The following TSTD2 variants were observed in gnomAD, a reference collection of about 807,000 sequenced individuals.
TSTD2 encodes thiosulfate sulfurtransferase like domain containing 2.
In TSTD2, 37 loss-of-function variants were observed where a neutral mutation model predicts 47.9. The ratio of observed to expected loss-of-function variants is 0.77; its 90% confidence interval spans 0.59 to 1.02. The LOEUF is 1.02. TSTD2 is among the 50% of genes least tolerant of loss of function. The pLI is 0.00. For missense variants in TSTD2, 586 were observed against 616.0 expected (o/e 0.95, Z 0.52); for synonymous variants, 201 against 215.9 (o/e 0.93, Z 0.61).
In TSTD2 at chr9:97,605,522, G is replaced by GC. The variant is rs774642486; in HGVS notation, c.1073dup (p.Ile359HisfsTer4). 6.8e-6 allele frequency: 11 copies of GC among 1,613,946 alleles called. No homozygotes were observed. Among genetic ancestry groups the GC allele is most frequent in the Non-Finnish European group, 9.3e-6 (11 of 1,179,988 alleles). The stretch of plus-strand genomic sequence containing the variant: ...AGGCTGAACCCCGCTCACAGCGGAT[G>GC]CCCCCGGTACAGTACATCAGCACTC... On this transcript the variant is annotated frameshift_variant, in exon 8 of 10. Coordinates refer to ENST00000341170, the MANE Select transcript of TSTD2 (RefSeq NM_139246.5). LOFTEE classifies it high-confidence loss of function.
intron 3 of TSTD2, among the ~76,000 whole-genome samples, chr9:97,622,046 T>G (rs1826647300): frequency 6.6e-6 from 1 of 152,092 alleles, no homozygotes; most frequent in South Asian, 2.1e-4. Context: ...CTCTTTCTCT[T>G]TATTTCTCAG....
At chr9:97,621,312 G>A (rs1367661675) in intron 3 of TSTD2, among the ~76,000 whole-genome samples, 5 of 152,144 alleles carry the variant, frequency 3.3e-5, no homozygotes, top group Non-Finnish European at 7.4e-5. Flanking sequence ...GATGTATGTC[G>A]CCTCAAGACC....
intron 1 of TSTD2, among the ~76,000 whole-genome samples, chr9:97,632,342 G>A (rs1007078733): frequency 6.6e-6 from 1 of 152,028 alleles, no homozygotes; most frequent in East Asian, 1.9e-4. Context: ...GAACCCCACA[G>A]GCCATGGCAT....
intron 4 of TSTD2, 35 bp from the exon 5 acceptor site, chr9:97,611,734 G>T: frequency 6.3e-7 from 1 of 1,581,200 alleles, no homozygotes; most frequent in Admixed American, 1.7e-5. Context: ...AGAACAGATT[G>T]TTCTTAGCTT....
Position 97,606,275 on chromosome 9 carries a change from A to G in TSTD2, c.836-14T>C, listed in dbSNP as rs1275461512. 22 of 1,490,012 alleles carry G rather than the reference A, an allele frequency of 1.5e-5. No homozygotes were observed. The highest frequency in any genetic ancestry group is 1.8e-5 in the Non-Finnish European group (20 of 1,091,596). The allele number at this position is 1,490,012 out of a possible 1,614,324, so 92.3% of individuals were successfully genotyped here. Reference sequence around the variant, plus strand: ...ATAAATGGATTCCTAAAACCAAACCAAAAAAATTATATTAAAACAAAGACA... The same window carrying G: ...ATAAATGGATTCCTAAAACCAAACCGAAAAAATTATATTAAAACAAAGACA... On this transcript the variant is annotated splice_polypyrimidine_tract_variant and intron_variant, in intron 6 of 9. Coordinates refer to ENST00000341170, the MANE Select transcript of TSTD2 (RefSeq NM_139246.5).
At chr9:97,624,193 A>T (rs1476445788) in intron 3 of TSTD2, among the ~76,000 whole-genome samples, 2 of 152,186 alleles carry the variant, frequency 1.3e-5, no homozygotes, top group Admixed American at 1.3e-4. Context: ...TACGTGACCA[A>T]TAGCATCAAT....
At chr9:97,619,956 A>AAGG (rs1375221825) in intron 3 of TSTD2, among the ~76,000 whole-genome samples, 5 of 152,318 alleles carry the variant, frequency 3.3e-5, no homozygotes, top group South Asian at 4.1e-4. Flanking sequence ...TGAGTTTTTC[A>AAGG]AGGCCAGGAT....
intron 1 of TSTD2, among the ~76,000 whole-genome samples, chr9:97,627,859 G>C (rs957836981): frequency 3.9e-5 from 6 of 152,224 alleles, no homozygotes; most frequent in African/African-American, 1.4e-4. Flanking sequence ...CCAGTGGGGT[G>C]AAGTAAACAA....
Position 97,601,579 on chromosome 9 carries a change from T to TG in TSTD2, c.*889dup. 1 of 987,836 alleles carries TG rather than the reference T, an allele frequency of 1.0e-6. No homozygotes were observed. The highest frequency in any genetic ancestry group is 4.6e-5 in the South Asian group (1 of 21,532). The allele number at this position is 987,836 out of a possible 1,614,324, so 61.2% of individuals were successfully genotyped here. On this transcript the variant is annotated 3_prime_UTR_variant, in exon 10 of 10. Transcript: ENST00000341170. ...CCTCTGCCTCTATCAGATGAGCTGCTGGTCTAGATCAGGGGCTGGCAAACT... is the reference window on the plus strand; with the variant it reads ...CCTCTGCCTCTATCAGATGAGCTGCTGGGTCTAGATCAGGGGCTGGCAAACT...
chr9:97,628,942 A>T (rs1826766788), intron 1 of TSTD2, among the ~76,000 whole-genome samples: 1 of 152,190 alleles, frequency 6.6e-6, no homozygotes, highest in African/African-American at 2.4e-5. Flanking sequence ...CTGAGCTGAG[A>T]GCAGAGACAA....
At chr9:97,612,624 C>T (rs1347926638) in intron 4 of TSTD2, among the ~76,000 whole-genome samples, 2 of 152,208 alleles carry the variant, frequency 1.3e-5, no homozygotes, top group African/African-American at 2.4e-5. Flanking sequence ...AGCACAATCT[C>T]GGCTCACTGC....
At chr9:97,614,274 A>G (rs1266009915) in intron 4 of TSTD2, among the ~76,000 whole-genome samples, 1 of 152,220 alleles carries the variant, frequency 6.6e-6, no homozygotes, top group Middle Eastern at 3.2e-3. Flanking sequence ...TGATCAGAGA[A>G]TATTTTAGGA....
chr9:97,630,974 A>G (rs868810096), intron 1 of TSTD2, among the ~76,000 whole-genome samples: 1 of 152,350 alleles, frequency 6.6e-6, no homozygotes, highest in African/African-American at 2.4e-5. Context: ...TCAGCTTCAA[A>G]TACAACTGTT....
intron 6 of TSTD2, among the ~76,000 whole-genome samples, chr9:97,606,853 GTAAAAGA>G (rs1286825149): frequency 6.6e-6 from 1 of 152,066 alleles, no homozygotes; most frequent in Non-Finnish European, 1.5e-5. Flanking sequence ...GTGTGCATGA[GTAAAAGA>G]GAAAAGGGCA....
intron 6 of TSTD2, among the ~76,000 whole-genome samples, chr9:97,608,291 A>G (rs1826399902): frequency 6.6e-6 from 1 of 152,206 alleles, no homozygotes; most frequent in African/African-American, 2.4e-5. Flanking sequence ...CAGTTGTTCT[A>G]CTGGCCCTGA....
chr9:97,604,585 G>A (rs779194665), intron 9 of TSTD2, 142 bp downstream of exon 9: 13 of 1,259,256 alleles, frequency 1.0e-5, no homozygotes, highest in Non-Finnish European at 1.3e-5. Context: ...CTGGGAAAAT[G>A]GTGGCACAAT....
rs555334283 is a variant in TSTD2 at position 97,631,799 on chromosome 9, G to A, written c.-51+1444C>T. Among the ~76,000 whole-genome samples the A allele has an allele frequency of 1.6e-3, 244 of 152,058 alleles. 1 individual carries two copies. The highest frequency in any genetic ancestry group is 5.7e-3 in the African/African-American group (236 of 41,450). Reference sequence around the variant, plus strand: ...GCAGAGGTTACAACGAGCCAAGACCGTGCCACTGCACTCCAGCCTGGGCAA... The same window carrying A: ...GCAGAGGTTACAACGAGCCAAGACCATGCCACTGCACTCCAGCCTGGGCAA... On this transcript the variant is annotated intron_variant, in intron 1 of 9. Coordinates refer to ENST00000341170, the MANE Select transcript of TSTD2 (RefSeq NM_139246.5).
intron 4 of TSTD2, among the ~76,000 whole-genome samples, chr9:97,612,160 G>C (rs560937606): frequency 1.4e-4 from 21 of 152,274 alleles, no homozygotes; most frequent in South Asian, 4.1e-4. Flanking sequence ...ATGGCTCCCA[G>C]CTCCATCCAT....
rs149077979 is a variant in TSTD2, at chr9:97,602,567, G to A, written c.1453C>T (p.Arg485Trp). The A allele has an allele frequency of 3.7e-5, 60 of 1,614,074 alleles. No individual in the cohort carries two copies. Among genetic ancestry groups the A allele is most frequent in the South Asian group, 5.5e-5 (5 of 91,088 alleles). The change falls in exon 10 of 10, where the codon CGG becomes TGG. Residue 485 changes from arginine to tryptophan, a missense_variant. Arg to Trp is a moderately radical substitution (Grantham distance 101). Coordinates refer to ENST00000341170, the MANE Select transcript of TSTD2 (RefSeq NM_139246.5). ...AAGAGTTCCCTAGGTATGCGTGGCC[G>A]TCGGGCTGTGCACTCGCATTCCTCT... ...FKEECECTAR[R>W]PRIPRELLQH... is the part of the protein sequence containing the mutation.
Sources: gnomAD v4.1 joint callset for allele counts (sites outside exome capture counted in the v4.1 genomes callset) on GRCh38, gnomAD v4.1.1 for gene constraint, MANE v1.5 for transcripts, NCBI Gene and HGNC (gene_info 2026-07-23, HGNC 2026-07-21) for gene names.